The following DHX30 variants were observed in gnomAD, a reference collection of about 807,000 sequenced individuals.
The protein encoded by DHX30 is ATP-dependent RNA helicase DHX30.
In DHX30, 4 loss-of-function variants were observed where a neutral mutation model predicts 116.9. The ratio of observed to expected loss-of-function variants is 0.03; its 90% CI spans 0.02 to 0.08. The LOEUF (loss-of-function observed/expected upper bound fraction) is 0.08. DHX30 is among the 10% of genes least tolerant of loss of function. The probability of loss-of-function intolerance (pLI) is 1.00; values close to 1 mark genes in which losing one functional copy is unlikely to be tolerated. For missense variants in DHX30, 871 were observed against 1,595.1 expected, an observed-to-expected ratio of 0.55 and a Z score of 7.73; for synonymous variants, 697 against 651.7, an observed-to-expected ratio of 1.07 and a Z score of -1.06.
At chr3:47,808,752 T>C (rs887266039) in intron 2 of DHX30, among the ~76,000 whole-genome samples, 2 of 151,612 alleles carry the variant, frequency 1.3e-5, no homozygotes, top group Non-Finnish European at 2.9e-5. Flanking sequence ...ATTTTTGTAT[T>C]TTTACTGGGG....
At chr3:47,845,907 C>T (rs1437826620) in intron 10 of DHX30, 55 bp downstream of exon 10, 1 of 1,551,014 alleles carries the variant, frequency 6.4e-7, no homozygotes, top group Non-Finnish European at 8.7e-7. Flanking sequence ...GCCTCCATCT[C>T]TCCAGACTGA....
chr3:47,834,145 C>T (rs2036997484), intron 6 of DHX30, among the ~76,000 whole-genome samples: 1 of 152,018 alleles, frequency 6.6e-6, no homozygotes. Context: ...GGCCTGTTGC[C>T]CAGGCTAGAG....
At chr3:47,832,038 A>G (rs1477807557) in intron 6 of DHX30, among the ~76,000 whole-genome samples, 1 of 150,570 alleles carries the variant, frequency 6.6e-6, no homozygotes, top group Non-Finnish European at 1.5e-5. Flanking sequence ...GGCTGATAAA[A>G]TGATCCATTT....
intron 2 of DHX30, among the ~76,000 whole-genome samples, chr3:47,810,155 C>G (rs1263258716): frequency 1.3e-5 from 2 of 152,152 alleles, no homozygotes; most frequent in African/African-American, 4.8e-5. Flanking sequence ...AGGGTCTTGA[C>G]TAGGTTTTAT....
chr3:47,817,423 G>A (rs1256533681), intron 3 of DHX30, among the ~76,000 whole-genome samples: 3 of 152,174 alleles, frequency 2.0e-5, no homozygotes, highest in African/African-American at 7.2e-5. Flanking sequence ...GTAGCATTTA[G>A]CCCCCAAATG....
At chr3:47,823,580 T>G (rs1474466512) in intron 4 of DHX30, among the ~76,000 whole-genome samples, 5 of 152,278 alleles carry the variant, frequency 3.3e-5, no homozygotes, top group Admixed American at 3.3e-4. Flanking sequence ...ACCAGGATGG[T>G]CTTGATACCC....
intron 8 of DHX30, chr3:47,842,466 C>G (rs1459295700): frequency 6.6e-6 from 1 of 152,284 alleles, no homozygotes; most frequent in African/African-American, 2.4e-5. Context: ...TTCTTGTAAC[C>G]ATTTGTCTTT....
chr3:47,841,649 G>C lies in DHX30; in HGVS notation c.701G>C (p.Ser234Thr). Reference sequence around the variant, plus strand: ...TCCTTTGAGATGACAGATGACGACAGTGCCATTAGGGCTCTGACCCAGTTT... The same window carrying C: ...TCCTTTGAGATGACAGATGACGACACTGCCATTAGGGCTCTGACCCAGTTT... ...GSSFEMTDDDSAIRALTQFPL... is the reference protein window; with the variant it reads ...GSSFEMTDDDTAIRALTQFPL... The change falls in exon 8 of 22, where the codon AGT (serine) becomes ACT (threonine). Residue 234 changes from serine to threonine, a missense_variant. Ser to Thr is a moderately conservative substitution (Grantham distance 58). Around this residue, in one of 13 missense-constraint regions of DHX30, gnomAD observed 175 missense variants for 292.9 expected, o/e 0.60. Transcript: ENST00000445061. 1 of 1,614,264 alleles carries C rather than the reference G, an allele frequency of 6.2e-7. No homozygotes were observed. The highest frequency in any genetic ancestry group is 1.3e-5 in the African/African-American group (1 of 75,076).
chr3:47,832,551 T>C (rs989948699), intron 6 of DHX30, among the ~76,000 whole-genome samples: 1 of 152,176 alleles, frequency 6.6e-6, no homozygotes, highest in Non-Finnish European at 1.5e-5. Context: ...CTCGAAAATA[T>C]CCATCTCCCA....
intron 1 of DHX30, among the ~76,000 whole-genome samples, chr3:47,804,988 T>A (rs2035451925): frequency 6.6e-6 from 1 of 152,218 alleles, no homozygotes; most frequent in Non-Finnish European, 1.5e-5. Context: ...TAGATTATCA[T>A]AATTATTATG....
intron 4 of DHX30, among the ~76,000 whole-genome samples, chr3:47,821,222 C>T (rs2036284700): frequency 6.6e-6 from 1 of 151,936 alleles, no homozygotes; most frequent in African/African-American, 2.4e-5. Flanking sequence ...TCCCAAAGTG[C>T]TGGGATTACA....
At chr3:47,817,765 A>T (rs572107741) in intron 3 of DHX30, among the ~76,000 whole-genome samples, 1 of 152,330 alleles carries the variant, frequency 6.6e-6, no homozygotes, top group South Asian at 2.1e-4. Context: ...TGTTAACCTC[A>T]TAGGGGGTAG....
Position 47,848,767 on chromosome 3 carries a change from A to T in DHX30, c.2719A>T (p.Thr907Ser). 6.2e-7 allele frequency: 1 copy of T among 1,613,864 alleles called. No individual in the cohort carries two copies. The highest frequency in any genetic ancestry group is 8.5e-7 in the Non-Finnish European group (1 of 1,179,916). ...HPLLVVVSCLTRDPFSSSLQN... is the reference protein window; with the variant it reads ...HPLLVVVSCLSRDPFSSSLQN... ...ACTACTGGTGGTCGTTTCCTGCCTC[A>T]CCCGGGACCCCTTCAGCAGCAGCCT... The change falls in exon 17 of 22, where the codon ACC (threonine) becomes TCC (serine). Residue 907 changes from threonine to serine, a missense_variant. Physicochemically the swap from Thr to Ser is moderately conservative, Grantham distance 58 (BLOSUM62 1). This residue lies in a region of DHX30 where 238 missense variants were observed against 481.0 expected (regional missense o/e 0.49). Coordinates refer to ENST00000445061, the MANE Select transcript of DHX30 (RefSeq NM_138615.3). The surrounding 1 kb of genome is among the most constrained non-coding windows in gnomAD (Gnocchi z 9.4).
chr3:47,831,891 T>G (rs1449478149), intron 6 of DHX30, among the ~76,000 whole-genome samples: 1 of 151,044 alleles, frequency 6.6e-6, no homozygotes, highest in Non-Finnish European at 1.5e-5. Flanking sequence ...TTGCACACTT[T>G]AGGTATTTAG....
In DHX30 at chr3:47,847,274, C is replaced by T. The variant is rs980684301; in HGVS notation, c.1931C>T (p.Ser644Phe). The change falls in exon 12 of 22, where the codon TCT (serine) becomes TTT (phenylalanine). Residue 644 changes from serine (S) to phenylalanine (F), a missense_variant and splice_region_variant. Ser to Phe is a radical substitution (Grantham distance 155). Transcript: ENST00000445061. This position sits in a 1 kb window ranked among gnomAD's most constrained non-coding sequence, Gnocchi z 5.5. ...QYLHRHRHHESEDECALDLDL... is the reference protein window; with the variant it reads ...QYLHRHRHHEFEDECALDLDL... ...GTGGCCTCTCTTCCCCCACCCCAGT[C>T]TGAGGATGAATGCGCACTCGATTTG... is the stretch of plus-strand genomic sequence containing the variant. 6.2e-7 allele frequency: 1 copy of T among 1,614,256 alleles called. No homozygotes were observed. Among genetic ancestry groups the T allele is most frequent in the East Asian group, 2.2e-5 (1 of 44,886 alleles).
intron 3 of DHX30, chr3:47,815,931 C>CATTTATTCT: frequency 1.0e-6 from 1 of 975,368 alleles, no homozygotes; most frequent in Non-Finnish European, 1.2e-6. Flanking sequence ...ATCATTGAAT[C>CATTTATTCT]ATTTATTCTT....
intron 6 of DHX30, 69 bp downstream of exon 6, chr3:47,829,203 G>A (rs559122964): frequency 1.6e-4 from 132 of 807,176 alleles, no homozygotes; most frequent in Non-Finnish European, 2.0e-4. Context: ...GTTTTTATTG[G>A]TAGAGGTTGG....
intron 1 of DHX30, among the ~76,000 whole-genome samples, chr3:47,805,123 A>C (rs1330037319): frequency 6.6e-6 from 1 of 152,232 alleles, no homozygotes; most frequent in East Asian, 1.9e-4. Flanking sequence ...GCACTTCTAC[A>C]GGTGCTGGTG....
At chr3:47,835,311 C>T (rs535855373) in intron 6 of DHX30, among the ~76,000 whole-genome samples, 18 of 152,098 alleles carry the variant, frequency 1.2e-4, no homozygotes, top group African/African-American at 4.1e-4. Context: ...GCTGGGATTA[C>T]AGGCATGTGC....
Sources: gnomAD v4.1 joint callset for allele counts (sites outside exome capture counted in the v4.1 genomes callset) on GRCh38, gnomAD v4.1.1 for gene constraint, gnomAD v4.1.1 regional missense constraint, Gnocchi (gnomAD v3.1) non-coding constraint, MANE v1.5 for transcripts, NCBI Gene and HGNC (gene_info 2026-07-23, HGNC 2026-07-21) for gene names.